The following RS1 variants were observed in gnomAD, a reference collection of about 807,000 sequenced individuals.
RS1 encodes the protein retinoschisin.
In RS1, 2 loss-of-function variants were observed where a neutral mutation model predicts 20.8. That is an observed-to-expected ratio of 0.10 (90% confidence interval 0.04 to 0.30). RS1 has a LOEUF of 0.30. Among genes scored for constraint, RS1 ranks in the 10% least tolerant of loss-of-function variants. The probability of loss-of-function intolerance (pLI) is 1.00; values close to 1 mark genes in which losing one functional copy is unlikely to be tolerated. For missense variants in RS1, 151 were observed against 189.8 expected (o/e 0.80, Z 1.20); for synonymous variants, 70 against 75.8 (o/e 0.92, Z 0.40).
At chrX:18,643,472 T>G (rs768334662) in intron 5 of RS1, among the ~76,000 whole-genome samples, 6 of 112,389 alleles carry the variant, frequency 5.3e-5, no homozygotes, top group Admixed American at 9.5e-5. Context: ...ATTGCACAAG[T>G]GCAGGGGTGA....
At chrX:18,653,390 T>C (rs1263852916) in intron 3 of RS1, 1 of 1,203,240 alleles carries the variant, frequency 8.3e-7, no homozygotes, top group Non-Finnish European at 1.1e-6. Context: ...CTAGCGCTCC[T>C]GGCAGCTCTG....
At chrX:18,662,317 T>G (rs1371930836) in intron 1 of RS1, among the ~76,000 whole-genome samples, 1 of 112,421 alleles carries the variant, frequency 8.9e-6, no homozygotes, top group African/African-American at 3.2e-5. Context: ...AAAATTATTA[T>G]TATACTTTAA....
chrX:18,657,604 A>C (rs935528378), intron 2 of RS1, 36 bp downstream of exon 2: 3 of 1,113,008 alleles, frequency 2.7e-6, no homozygotes, highest in Non-Finnish European at 3.7e-6. Context: ...CAAAAGTACT[A>C]TGCATGTACA....
chrX:18,646,741 G>A (rs1478380366), intron 4 of RS1, among the ~76,000 whole-genome samples: 1 of 110,833 alleles, frequency 9.0e-6, no homozygotes, highest in Non-Finnish European at 1.9e-5. Flanking sequence ...CAGGGCTTTT[G>A]CACCTGCTGT....
intron 1 of RS1, among the ~76,000 whole-genome samples, chrX:18,667,498 G>A (rs897630483): frequency 1.7e-4 from 18 of 104,439 alleles, no homozygotes; most frequent in African/African-American, 6.4e-4. Flanking sequence ...AGTGAGCCAA[G>A]ATCACGCCAC....
intron 3 of RS1, chrX:18,650,487 T>C (rs750449476): frequency 2.5e-6 from 3 of 1,211,521 alleles, no homozygotes; most frequent in Non-Finnish European, 3.4e-6. Flanking sequence ...TCGTCCAATC[T>C]CCAGTCCTGC....
Sources: allele counts gnomAD v4.1 joint callset (sites outside exome capture counted in the v4.1 genomes callset), GRCh38; gene constraint gnomAD v4.1.1; transcripts MANE v1.5; gene names NCBI Gene and HGNC (gene_info 2026-07-23, HGNC 2026-07-21).